The following PRDM6 variants were observed in gnomAD, a reference collection of about 807,000 sequenced individuals.
The protein encoded by PRDM6 is PR/SET domain 6.
PRDM6 carries 25 observed loss-of-function variants against 60.8 expected under a neutral mutation model. That is an observed-to-expected ratio of 0.41 (90% CI 0.30 to 0.57). The LOEUF is 0.57. Ranked by LOEUF, PRDM6 falls within the 20% of genes least tolerant of loss-of-function variation. The pLI is 0.27. For synonymous variants in PRDM6, 407 were observed against 357.4 expected (o/e 1.14, Z -1.57); for missense variants, 839 against 821.3 (o/e 1.02, Z -0.26).
chr5:123,125,897 A>G (rs1267651296), intron 3 of PRDM6, among the ~76,000 whole-genome samples: 2 of 152,066 alleles, frequency 1.3e-5, no homozygotes, highest in Non-Finnish European at 2.9e-5. Context: ...TTTCTCAGAG[A>G]TCTTGGAGAA....
intron 7 of PRDM6, among the ~76,000 whole-genome samples, chr5:123,181,174 C>T (rs1181955657): frequency 6.6e-6 from 1 of 152,040 alleles, no homozygotes; most frequent in Non-Finnish European, 1.5e-5. Context: ...TGCTAGGCAC[C>T]CTGGTAGGTA....
chr5:123,155,598 T>C (rs574620360), intron 3 of PRDM6, among the ~76,000 whole-genome samples: 3 of 152,230 alleles, frequency 2.0e-5, no homozygotes, highest in Non-Finnish European at 4.4e-5. Context: ...GACTAGCCTG[T>C]CAAAATAAGT....
intron 3 of PRDM6, among the ~76,000 whole-genome samples, chr5:123,122,878 T>C (rs1223538167): frequency 6.6e-6 from 1 of 152,208 alleles, no homozygotes; most frequent in Admixed American, 6.5e-5. Context: ...TGAAACATTC[T>C]TTACTACGAG....
chr5:123,134,658 G>T (rs1764912092), intron 3 of PRDM6, among the ~76,000 whole-genome samples: 1 of 152,040 alleles, frequency 6.6e-6, no homozygotes, highest in Non-Finnish European at 1.5e-5. Flanking sequence ...TTAATTAAAT[G>T]AAATTAAGCC....
chr5:123,155,484 G>C (rs1765472096), intron 3 of PRDM6, among the ~76,000 whole-genome samples: 1 of 152,114 alleles, frequency 6.6e-6, no homozygotes, highest in African/African-American at 2.4e-5. Flanking sequence ...CCTCTGGGCA[G>C]TTGTGTGTTT....
intron 3 of PRDM6, among the ~76,000 whole-genome samples, chr5:123,121,783 A>C (rs1257517528): frequency 1.3e-5 from 2 of 151,956 alleles, no homozygotes; most frequent in East Asian, 3.8e-4. Context: ...ATAAAAACAA[A>C]GTCTTCACAT....
intron 3 of PRDM6, among the ~76,000 whole-genome samples, chr5:123,138,034 C>CCA (rs1554088095): frequency 3.3e-5 from 5 of 151,870 alleles, no homozygotes; most frequent in Admixed American, 6.6e-5. Flanking sequence ...TTCACCCCCG[C>CCA]ACCTTTCAAA....
At chr5:123,116,378 CATT>C (rs1764448186) in intron 3 of PRDM6, among the ~76,000 whole-genome samples, 1 of 152,156 alleles carries the variant, frequency 6.6e-6, no homozygotes, top group Non-Finnish European at 1.5e-5. Context: ...CTCATGCACT[CATT>C]ATTAGGAGCT....
At chr5:123,118,564 A>C (rs1764508548) in intron 3 of PRDM6, among the ~76,000 whole-genome samples, 1 of 152,220 alleles carries the variant, frequency 6.6e-6, no homozygotes, top group Admixed American at 6.5e-5. Context: ...GGGCTGATAA[A>C]GATTACGATA....
chr5:123,114,361 C>T (rs1322242022), intron 3 of PRDM6, among the ~76,000 whole-genome samples: 1 of 152,180 alleles, frequency 6.6e-6, no homozygotes, highest in Admixed American at 6.5e-5. Flanking sequence ...ACAAGACTCT[C>T]TTCTTATTCT....
rs1413530482 is a variant in PRDM6 at position 123,188,181 on chromosome 5, A to G, written c.*980A>G. ...AATTTTATCTTTCTTCCTCTTGCAG[A>G]TGAACCCCAGGAGCCCCCTTTCCTC... On this transcript the variant is annotated 3_prime_UTR_variant, in exon 8 of 8. Transcript: ENST00000407847. 6.6e-6 allele frequency: 1 copy of G among 152,132 alleles called. No individual in the cohort carries two copies. The highest frequency in any genetic ancestry group is 2.4e-5 in the African/African-American group (1 of 41,418). 9.4% of individuals were successfully genotyped at this position (152,132 alleles called of 1,614,324 possible).
chr5:123,134,448 G>C (rs1296956174), intron 3 of PRDM6, among the ~76,000 whole-genome samples: 1 of 152,034 alleles, frequency 6.6e-6, no homozygotes, highest in Non-Finnish European at 1.5e-5. Flanking sequence ...TTAATGAAAG[G>C]AATTGGTACA....
chr5:123,141,431 A>G (rs185600646), intron 3 of PRDM6, among the ~76,000 whole-genome samples: 215 of 152,212 alleles, frequency 1.4e-3, no homozygotes, highest in African/African-American at 4.6e-3. Context: ...TCACTGAGCT[A>G]CAGAAAAAAA....
At chr5:123,174,446 G>T (rs536302327) in intron 6 of PRDM6, among the ~76,000 whole-genome samples, 1 of 152,166 alleles carries the variant, frequency 6.6e-6, no homozygotes, top group South Asian at 2.1e-4. Flanking sequence ...TACAAGAAAG[G>T]CAAGAAAGGG....
At position 123,100,034 on chromosome 5, in the gene PRDM6, G is replaced by A. The variant is rs57189862; in HGVS notation, c.900+73G>A. The stretch of plus-strand genomic sequence containing the variant: ...CCAGCAGGGAGCCTTGGCCGGCAGG[G>A]AGCCTGGCCTTTGGCTGTGGCAACT... On this transcript the variant is annotated intron_variant, in intron 3 of 7. Coordinates refer to ENST00000407847, the MANE Select transcript of PRDM6 (RefSeq NM_001136239.4). 630 of 1,409,860 alleles carry A rather than the reference G, an allele frequency of 4.5e-4. 4 individuals carry two copies. The African/African-American group carries it at 8.5e-3, about 19-fold the overall frequency. The allele number at this position is 1,409,860 out of a possible 1,614,324, so 87.3% of individuals were successfully genotyped here.
intron 3 of PRDM6, among the ~76,000 whole-genome samples, chr5:123,109,290 C>G (rs930116079): frequency 2.0e-5 from 3 of 152,056 alleles, no homozygotes; most frequent in Non-Finnish European, 4.4e-5. Flanking sequence ...AACTTAATTT[C>G]TTTATACCTC....
chr5:123,120,044 T>C (rs554662137), intron 3 of PRDM6, among the ~76,000 whole-genome samples: 7 of 152,314 alleles, frequency 4.6e-5, no homozygotes, highest in African/African-American at 1.7e-4. Flanking sequence ...TTAATATACA[T>C]TAGGTATCTT....
At chr5:123,108,833 A>G (rs2150211533) in intron 3 of PRDM6, among the ~76,000 whole-genome samples, 1 of 152,238 alleles carries the variant, frequency 6.6e-6, no homozygotes, top group East Asian at 1.9e-4. Flanking sequence ...TCATTGAGTC[A>G]CAGTTTTGGT....
chr5:123,125,462 C>T (rs1580498538), intron 3 of PRDM6, among the ~76,000 whole-genome samples: 2 of 152,284 alleles, frequency 1.3e-5, no homozygotes, highest in East Asian at 1.9e-4. Flanking sequence ...CATCAAGCTG[C>T]GTAGCACAGT....
Sources: allele counts gnomAD v4.1 joint callset (sites outside exome capture counted in the v4.1 genomes callset), GRCh38; gene constraint gnomAD v4.1.1; transcripts MANE v1.5; gene names NCBI Gene and HGNC (gene_info 2026-07-23, HGNC 2026-07-21).